The following APBB2 variants were observed in gnomAD, a reference collection of about 807,000 sequenced individuals.
APBB2 encodes amyloid beta precursor protein binding family B member 2, also known as Fe65-like 1.
A neutral mutation model predicts 82.5 loss-of-function variants in APBB2; 38 were observed. That is an observed-to-expected ratio of 0.46 (90% CI 0.36 to 0.60). The LOEUF is 0.60. Among genes scored for constraint, APBB2 ranks in the 20% least tolerant of loss-of-function variants. The probability of loss-of-function intolerance (pLI) is 0.00; values close to 1 mark genes in which losing one functional copy is unlikely to be tolerated. For missense variants in APBB2, 772 were observed against 972.3 expected (o/e 0.79, Z 2.74); for synonymous variants, 341 against 368.2 (o/e 0.93, Z 0.85).
chr4:41,059,598 G>A (rs527801369), intron 4 of APBB2, among the ~76,000 whole-genome samples: 12 of 152,400 alleles, frequency 7.9e-5, no homozygotes, highest in Admixed American at 1.3e-4. Context: ...ACAATAGCAT[G>A]AGCAATTTAT....
chr4:40,983,215 G>A (rs778389489), intron 6 of APBB2, among the ~76,000 whole-genome samples: 2 of 152,160 alleles, frequency 1.3e-5, no homozygotes, highest in Admixed American at 6.5e-5. Flanking sequence ...AATAAATGGT[G>A]GTGCTGGGAT....
At chr4:41,157,971 G>A (rs768404132) in intron 1 of APBB2, among the ~76,000 whole-genome samples, 10 of 152,126 alleles carry the variant, frequency 6.6e-5, no homozygotes, top group Non-Finnish European at 1.3e-4. Context: ...CAGTCTGGGC[G>A]ACAGAGTGAG....
intron 1 of APBB2, among the ~76,000 whole-genome samples, chr4:41,165,507 T>C (rs1244131533): frequency 1.3e-5 from 2 of 152,184 alleles, no homozygotes; most frequent in Admixed American, 1.3e-4. Context: ...CTCTTTCCTC[T>C]GTTTCCTCAC....
chr4:40,909,532 T>C (rs1445613075), intron 10 of APBB2, among the ~76,000 whole-genome samples: 1 of 152,214 alleles, frequency 6.6e-6, no homozygotes, highest in Non-Finnish European at 1.5e-5. Flanking sequence ...TTAATTGCAT[T>C]AGTCATTTCC....
chr4:40,873,555 A>G (rs1175446607), intron 12 of APBB2, among the ~76,000 whole-genome samples: 1 of 152,142 alleles, frequency 6.6e-6, no homozygotes, highest in African/African-American at 2.4e-5. Flanking sequence ...TTTGTGGGGG[A>G]AATATATTAA....
At chr4:41,007,907 G>A (rs1386717871) in intron 6 of APBB2, among the ~76,000 whole-genome samples, 1 of 152,152 alleles carries the variant, frequency 6.6e-6, no homozygotes, top group Non-Finnish European at 1.5e-5. Flanking sequence ...AAGCCACTAA[G>A]ATAAACATGA....
At chr4:40,917,828 G>A (rs1011514594) in intron 10 of APBB2, among the ~76,000 whole-genome samples, 5 of 152,160 alleles carry the variant, frequency 3.3e-5, no homozygotes, top group Admixed American at 2.6e-4. Flanking sequence ...TTAAAACAAG[G>A]AATCCTCTAC....
At chr4:41,078,176 C>A (rs1207492063) in intron 3 of APBB2, among the ~76,000 whole-genome samples, 1 of 151,574 alleles carries the variant, frequency 6.6e-6, no homozygotes, top group Non-Finnish European at 1.5e-5. Flanking sequence ...CTCTCTTCCT[C>A]AATGGAATTC....
At chr4:41,102,107 A>G (rs138964744) in intron 2 of APBB2, among the ~76,000 whole-genome samples, 2 of 152,336 alleles carry the variant, frequency 1.3e-5, no homozygotes, top group East Asian at 3.9e-4. Context: ...TAAAGTCGGC[A>G]TACCCCTCGG....
intron 6 of APBB2, among the ~76,000 whole-genome samples, chr4:40,971,601 A>T (rs936070437): frequency 2.6e-5 from 4 of 152,168 alleles, no homozygotes; most frequent in Non-Finnish European, 5.9e-5. Context: ...TTTTCCCAGA[A>T]ACGTTTTCCT....
intron 10 of APBB2, among the ~76,000 whole-genome samples, chr4:40,904,705 T>C (rs1253634184): frequency 7.3e-6 from 1 of 136,058 alleles, no homozygotes; most frequent in Non-Finnish European, 1.6e-5. Context: ...TTTTTTTAAA[T>C]ACTGAAATGC....
chr4:40,846,015 GGTGTGTGTGTGT>G (rs58613884), intron 12 of APBB2, among the ~76,000 whole-genome samples: 22,600 of 119,684 alleles, frequency 0.19, 2,475 homozygotes, highest in Admixed American at 0.24. Context: ...GTGTGAGTGG[GGTGTGTGTGTGT>G]GTGTGTGTGT....
chr4:40,912,823 G>C (rs1290115611), intron 10 of APBB2, among the ~76,000 whole-genome samples: 1 of 152,150 alleles, frequency 6.6e-6, no homozygotes, highest in Non-Finnish European at 1.5e-5. Flanking sequence ...CAAGAAGCTC[G>C]GCTGGCAGAA....
At chr4:40,997,950 G>A (rs1804103971) in intron 6 of APBB2, among the ~76,000 whole-genome samples, 1 of 152,214 alleles carries the variant, frequency 6.6e-6, no homozygotes, top group Admixed American at 6.5e-5. Flanking sequence ...TGAGTTGCAA[G>A]TTGAACTAGC....
intron 4 of APBB2, among the ~76,000 whole-genome samples, chr4:41,057,277 C>G (rs1241442056): frequency 6.6e-6 from 1 of 152,012 alleles, no homozygotes; most frequent in Non-Finnish European, 1.5e-5. Context: ...ATGGTGAAAC[C>G]CCCTCTCTAC....
chr4:40,842,863 C>A (rs1012226388), intron 12 of APBB2, among the ~76,000 whole-genome samples: 2 of 150,384 alleles, frequency 1.3e-5, no homozygotes, highest in South Asian at 2.1e-4. Flanking sequence ...CCTTACAGGG[C>A]AACAGGGAGG....
In APBB2 at chr4:40,816,043, G is replaced by A. The variant is rs753986812; in HGVS notation, c.*49C>T. On this transcript the variant is annotated 3_prime_UTR_variant, in exon 18 of 18. Coordinates refer to ENST00000508593, the MANE Select transcript of APBB2 (RefSeq NM_004307.2). Reference sequence around the variant, plus strand: ...GATGGCGGAGTTCATTTTCTTTAGTGTAGCTAGTCAATCTTCAGGTAAATA... The same window carrying A: ...GATGGCGGAGTTCATTTTCTTTAGTATAGCTAGTCAATCTTCAGGTAAATA... The A allele has an allele frequency of 3.5e-5, 56 of 1,591,448 alleles. No individual in the cohort carries two copies. Among genetic ancestry groups the A allele is most frequent in the Non-Finnish European group, 4.6e-5 (53 of 1,163,222 alleles).
chr4:40,850,893 C>T (rs1759117723), intron 12 of APBB2, among the ~76,000 whole-genome samples: 2 of 152,046 alleles, frequency 1.3e-5, no homozygotes, highest in Non-Finnish European at 2.9e-5. Context: ...TGCAGTGAGC[C>T]GTGATCACAC....
chr4:41,121,258 C>T (rs1355285221), intron 2 of APBB2, among the ~76,000 whole-genome samples: 1 of 152,218 alleles, frequency 6.6e-6, no homozygotes, highest in East Asian at 1.9e-4. Context: ...ACTCTAGCAT[C>T]AGTAACATAC....
Sources: gnomAD v4.1 joint callset for allele counts (sites outside exome capture counted in the v4.1 genomes callset) on GRCh38, gnomAD v4.1.1 for gene constraint, MANE v1.5 for transcripts, NCBI Gene and HGNC (gene_info 2026-07-23, HGNC 2026-07-21) for gene names.